LRP1B: variants seen among roughly 807,000 people sequenced by gnomAD.
The protein encoded by LRP1B is LDL receptor related protein 1B, also known as low-density lipoprotein receptor-related protein 1B.
In LRP1B, 217 loss-of-function variants were observed where a neutral mutation model predicts 556.6. The observed-to-expected ratio is 0.39, with a 90% CI of 0.35 to 0.44. LRP1B has a LOEUF of 0.44. Ranked by LOEUF, LRP1B falls within the 20% of genes least tolerant of loss-of-function variation. The pLI, the probability that LRP1B is intolerant of heterozygous loss-of-function variation, is 1.00. For missense variants in LRP1B, 5,053 were observed against 5,620.8 expected, an observed-to-expected ratio of 0.90 and a Z score of 3.23; for synonymous variants, 2,047 against 1,865.8, an observed-to-expected ratio of 1.10 and a Z score of -2.50.
intron 3 of LRP1B, among the ~76,000 whole-genome samples, chr2:141,329,262 C>A (rs1687543606): frequency 6.6e-6 from 1 of 151,038 alleles, no homozygotes; most frequent in South Asian, 2.1e-4. Flanking sequence ...GTGGCAGGCT[C>A]CTGTAATCTC....
intron 22 of LRP1B, among the ~76,000 whole-genome samples, chr2:140,907,064 G>A (rs1694278683): frequency 6.6e-6 from 1 of 150,804 alleles, no homozygotes; most frequent in African/African-American, 2.4e-5. Flanking sequence ...CAATGTAGTT[G>A]TCTTTCCTAC....
At chr2:141,401,547 A>G (rs4363969) in intron 3 of LRP1B, among the ~76,000 whole-genome samples, 151,456 of 152,296 alleles carry the variant, frequency 0.99, 75,314 homozygotes, top group East Asian at 1. Flanking sequence ...TCCATGTTAC[A>G]TTGCATTTGC....
At chr2:141,814,509 G>T (rs1033796331) in intron 1 of LRP1B, among the ~76,000 whole-genome samples, 1 of 152,204 alleles carries the variant, frequency 6.6e-6, no homozygotes, top group Admixed American at 6.5e-5. Flanking sequence ...AATCATCTAG[G>T]TGAGAGGAGA....
At chr2:140,917,448 G>T (rs1694612875) in intron 21 of LRP1B, among the ~76,000 whole-genome samples, 1 of 152,126 alleles carries the variant, frequency 6.6e-6, no homozygotes, top group African/African-American at 2.4e-5. Context: ...AAACAACAAA[G>T]ATGTCCTTCA....
chr2:140,851,686 C>T lies in LRP1B; in HGVS notation c.4677G>A (p.Leu1559=), dbSNP rs572576743. The change falls in exon 28 of 91, where the codon TTG becomes TTA. Residue 1559 remains leucine, a synonymous_variant. Transcript: ENST00000389484. The part of the protein sequence containing the change: ...NRSAACACPH[L]MKLSSDKKTC... ...TCTTCTTGTCTGAAGAAAGCTTCAT[C>T]AAGTGGGGGCACGCACAGGCAGCAC... is the stretch of plus-strand genomic sequence containing the variant. The T allele has an allele frequency of 5.0e-5, 81 of 1,611,480 alleles. 1 individual carries two copies. The South Asian group carries it at 8.2e-4, about 16-fold the overall frequency.
chr2:140,962,602 T>A (rs550814236), intron 18 of LRP1B, among the ~76,000 whole-genome samples: 3 of 152,270 alleles, frequency 2.0e-5, no homozygotes, highest in East Asian at 3.9e-4. Flanking sequence ...CACGACTGCC[T>A]TCCTGGCAGG....
At chr2:140,297,755 CAGA>C in intron 84 of LRP1B, 50 bp downstream of exon 84, 1 of 1,523,054 alleles carries the variant, frequency 6.6e-7, no homozygotes, top group Non-Finnish European at 8.9e-7. Context: ...TACAGGAAAT[CAGA>C]AGATTAACAT....
intron 2 of LRP1B, among the ~76,000 whole-genome samples, chr2:141,718,032 A>G (rs1195996584): frequency 6.6e-6 from 1 of 152,170 alleles, no homozygotes; most frequent in Non-Finnish European, 1.5e-5. Flanking sequence ...GGCCATGGCT[A>G]AAATGTTGCA....
chr2:141,945,927 G>A (rs13030801), intron 1 of LRP1B, among the ~76,000 whole-genome samples: 56,488 of 150,820 alleles, frequency 0.37, 11,452 homozygotes, highest in Admixed American at 0.5. Context: ...TAAGAAACCA[G>A]CAGGATTTAT....
At chr2:140,806,340 A>G (rs1261023723) in intron 32 of LRP1B, among the ~76,000 whole-genome samples, 1 of 152,202 alleles carries the variant, frequency 6.6e-6, no homozygotes, top group Admixed American at 6.5e-5. Context: ...ATATGTCATG[A>G]TAATTTTAGA....
intron 27 of LRP1B, among the ~76,000 whole-genome samples, chr2:140,865,664 A>G (rs1448459059): frequency 6.6e-6 from 1 of 152,094 alleles, no homozygotes. Context: ...AATTTCATTT[A>G]GGAAATAGCA....
intron 2 of LRP1B, among the ~76,000 whole-genome samples, chr2:141,707,689 G>T (rs1235772174): frequency 6.6e-6 from 1 of 152,154 alleles, no homozygotes; most frequent in Non-Finnish European, 1.5e-5. Flanking sequence ...GTTATATCCT[G>T]CAGAGGCAGA....
At chr2:141,103,791 T>C in intron 7 of LRP1B, among the ~76,000 whole-genome samples, 1 of 151,566 alleles carries the variant, frequency 6.6e-6, no homozygotes, top group East Asian at 1.9e-4. Flanking sequence ...ATATAATAGA[T>C]ATATTATAAA....
In LRP1B at chr2:140,883,924, G is replaced by T; in HGVS notation, c.4062C>A (p.Ser1354Arg). ...TGGCCACTTCGATTTGGTCCAGATTGCTGTCTATCCAGTATATGTTTCCTG... is the reference window on the plus strand; with the variant it reads ...TGGCCACTTCGATTTGGTCCAGATTTCTGTCTATCCAGTATATGTTTCCTG... The part of the protein sequence containing the change: ...WIAGNIYWID[S>R]NLDQIEVAKL... Residue 1354 changes from serine to arginine, a missense_variant, in exon 25 of 91, where the codon AGC (serine) becomes AGA (arginine). Transcript: ENST00000389484. The T allele has an allele frequency of 6.2e-7, 1 of 1,613,784 alleles. No individual in the cohort carries two copies. Among genetic ancestry groups the T allele is most frequent in the Non-Finnish European group, 8.5e-7 (1 of 1,179,942 alleles).
At chr2:140,522,287 A>C (rs1272466170) in intron 49 of LRP1B, among the ~76,000 whole-genome samples, 2 of 152,046 alleles carry the variant, frequency 1.3e-5, no homozygotes, top group Non-Finnish European at 2.9e-5. Flanking sequence ...AATACTCAAA[A>C]CCACATAATA....
intron 43 of LRP1B, among the ~76,000 whole-genome samples, chr2:140,548,128 C>T (rs1008762946): frequency 6.6e-6 from 1 of 152,018 alleles, no homozygotes; most frequent in African/African-American, 2.4e-5. Flanking sequence ...TCATTTAATT[C>T]TTAAGATCAT....
At position 140,952,002 on chromosome 2, in the gene LRP1B, G is replaced by A. The variant is rs140824761; in HGVS notation, c.2888-62C>T. ...TTATTGACTGTGCATGACATAATTC[G>A]TATCATCTGATAATGTGATCAGAAC... On this transcript the variant is annotated intron_variant, in intron 18 of 90. Transcript: ENST00000389484. 1,220 of 1,166,506 alleles carry A rather than the reference G, an allele frequency of 1.0e-3. 3 individuals carry two copies. The highest frequency in any genetic ancestry group is 7.0e-3 in the African/African-American group (469 of 66,562). 72.3% of individuals were successfully genotyped at this position (1,166,506 alleles called of 1,614,324 possible). A position where few individuals can be genotyped will look rare whatever the true frequency, so the allele number is the denominator to read the frequency against.
intron 43 of LRP1B, among the ~76,000 whole-genome samples, chr2:140,570,183 T>A (rs1681272028): frequency 6.6e-6 from 1 of 151,296 alleles, no homozygotes; most frequent in Admixed American, 6.6e-5. Flanking sequence ...TACTATAGAT[T>A]GGAGCAGAAA....
intron 2 of LRP1B, among the ~76,000 whole-genome samples, chr2:141,636,454 C>G (rs1474768939): frequency 6.6e-6 from 1 of 152,046 alleles, no homozygotes; most frequent in East Asian, 1.9e-4. Flanking sequence ...AAAATAATTA[C>G]TAATATATCA....
Sources: gnomAD v4.1 joint callset for allele counts (sites outside exome capture counted in the v4.1 genomes callset) on GRCh38, gnomAD v4.1.1 for gene constraint, MANE v1.5 for transcripts, NCBI Gene and HGNC (gene_info 2026-07-23, HGNC 2026-07-21) for gene names.